Variants in SORCS1 observed in about 807,000 individuals in gnomAD.
SORCS1 encodes VPS10 domain-containing receptor SorCS1.
A neutral mutation model predicts 146.1 loss-of-function variants in SORCS1; 60 were observed. The observed-to-expected ratio is 0.41, with a 90% CI of 0.33 to 0.51. The LOEUF is 0.51. SORCS1 is among the 20% of genes least tolerant of loss of function. The probability of loss-of-function intolerance (pLI) is 0.21; values close to 1 mark genes in which losing one functional copy is unlikely to be tolerated. For synonymous variants in SORCS1, 637 were observed against 584.0 expected (o/e 1.09, Z -1.31); for missense variants, 1,352 against 1,487.6 (o/e 0.91, Z 1.50).
At chr10:106,716,692 C>G (rs985448838) in intron 6 of SORCS1, among the ~76,000 whole-genome samples, 3 of 152,158 alleles carry the variant, frequency 2.0e-5, no homozygotes, top group African/African-American at 7.2e-5. Flanking sequence ...TGAACTTTTT[C>G]CTGGGGCTTA....
intron 2 of SORCS1, among the ~76,000 whole-genome samples, chr10:106,893,803 T>C (rs952689029): frequency 4.6e-5 from 7 of 152,170 alleles, no homozygotes; most frequent in African/African-American, 1.7e-4. Flanking sequence ...CTTCATAGCC[T>C]TCAAAAATGG....
chr10:106,838,469 G>A (rs1264239307), intron 2 of SORCS1, among the ~76,000 whole-genome samples: 1 of 152,068 alleles, frequency 6.6e-6, no homozygotes, highest in Admixed American at 6.6e-5. Flanking sequence ...TTACATTAGG[G>A]TACATTCTTG....
chr10:107,016,250 A>T (rs1213278242), intron 1 of SORCS1, among the ~76,000 whole-genome samples: 1 of 152,344 alleles, frequency 6.6e-6, no homozygotes, highest in East Asian at 1.9e-4. Context: ...GTCAGAAAAG[A>T]TGGCTTTTTC....
chr10:106,695,767 C>T (rs1268336865), intron 9 of SORCS1, among the ~76,000 whole-genome samples: 1 of 152,106 alleles, frequency 6.6e-6, no homozygotes, highest in Non-Finnish European at 1.5e-5. Context: ...ACTTTCCTGG[C>T]TCTCATTTCT....
chr10:106,731,149 A>T (rs189342037), intron 5 of SORCS1, among the ~76,000 whole-genome samples: 2 of 151,232 alleles, frequency 1.3e-5, no homozygotes, highest in Admixed American at 6.6e-5. Context: ...CTCTACTAAA[A>T]ATACAAAAAA....
chr10:107,034,680 C>CAAAAAAAAAAAAAAAA (rs553032484), intron 1 of SORCS1, among the ~76,000 whole-genome samples: 4 of 13,794 alleles, frequency 2.9e-4, no homozygotes, highest in African/African-American at 5.4e-4. Context: ...AACTCCATCT[C>CAAAAAAAAAAAAAAAA]AAAAAAAAAA....
At chr10:106,761,442 T>C in intron 5 of SORCS1, 146 bp downstream of exon 5, 1 of 652,152 alleles carries the variant, frequency 1.5e-6, no homozygotes, top group Non-Finnish European at 2.7e-6. Context: ...TAATGTCACA[T>C]CCTGCCCTGA....
intron 1 of SORCS1, among the ~76,000 whole-genome samples, chr10:107,139,650 C>G (rs895274244): frequency 6.6e-6 from 1 of 152,206 alleles, no homozygotes; most frequent in Non-Finnish European, 1.5e-5. Context: ...GACGCAGTTT[C>G]ATCACCAAAT....
chr10:106,969,924 C>A (rs975728248), intron 1 of SORCS1: 2 of 152,226 alleles, frequency 1.3e-5, no homozygotes, highest in African/African-American at 4.8e-5. Flanking sequence ...TTCAATGAAA[C>A]TATCCATTTT....
intron 3 of SORCS1, among the ~76,000 whole-genome samples, chr10:106,802,608 C>A (rs1946960033): frequency 6.6e-6 from 1 of 152,092 alleles, no homozygotes; most frequent in Non-Finnish European, 1.5e-5. Flanking sequence ...AAGTGATTCT[C>A]CTGCCTCAGC....
rs1017086528 is a variant in SORCS1, at chr10:107,012,496, A to C, written c.559-55916T>G. Among the ~76,000 whole-genome samples, 4 of 152,324 alleles carry C rather than the reference A, an allele frequency of 2.6e-5. No homozygotes were observed. In the South Asian group the frequency reaches 8.3e-4, roughly 32 times the overall value. On this transcript the variant is annotated intron_variant, in intron 1 of 25. Coordinates refer to ENST00000263054, the MANE Select transcript of SORCS1 (RefSeq NM_052918.5). ...CTTTTATTATGCTAGCACTTTTTAT[A>C]TATTAACTTTTATTTTCACCATAGC... is the stretch of plus-strand genomic sequence containing the variant.
chr10:106,927,448 C>T (rs1022150571), intron 2 of SORCS1, among the ~76,000 whole-genome samples: 13 of 152,168 alleles, frequency 8.5e-5, no homozygotes, highest in Non-Finnish European at 1.8e-4. Context: ...CTCATAAAGG[C>T]AGTGTGGACC....
rs540132355 is a variant in SORCS1 at position 106,886,224 on chromosome 10, T to A, written c.627-56551A>T. On this transcript the variant is annotated intron_variant, in intron 2 of 25. Transcript: ENST00000263054. Reference sequence around the variant, plus strand: ...CTGCTGTGAGCCAAGATCACACCACTGCACTACAGCCTGGGTGACAAGAGT... The same window carrying A: ...CTGCTGTGAGCCAAGATCACACCACAGCACTACAGCCTGGGTGACAAGAGT... Among the ~76,000 whole-genome samples, 13 of 152,200 alleles carry A rather than the reference T, an allele frequency of 8.5e-5. No individual in the cohort carries two copies. The South Asian group carries it at 2.7e-3, about 32-fold the overall frequency.
At chr10:106,723,244 TTTCACACA>T (rs1855906527) in intron 6 of SORCS1, among the ~76,000 whole-genome samples, 3 of 152,288 alleles carry the variant, frequency 2.0e-5, no homozygotes, top group African/African-American at 7.2e-5. Flanking sequence ...AGATACAACT[TTTCACACA>T]GCTTTCAATC....
intron 16 of SORCS1, 116 bp from the exon 17 acceptor site, chr10:106,667,918 T>C: frequency 2.3e-6 from 1 of 434,620 alleles, no homozygotes; most frequent in Non-Finnish European, 3.7e-6. Flanking sequence ...CAAACAAAAA[T>C]AAAAACAAAA....
chr10:106,618,284 A>C lies in SORCS1; in HGVS notation c.2797-12T>G, dbSNP rs1422671541. 2 of 1,613,018 alleles carry C rather than the reference A, an allele frequency of 1.2e-6. No homozygotes were observed. The highest frequency in any genetic ancestry group is 1.7e-5 in the Admixed American group (1 of 59,966). On this transcript the variant is annotated splice_polypyrimidine_tract_variant and intron_variant, in intron 20 of 25. Coordinates refer to ENST00000263054, the MANE Select transcript of SORCS1 (RefSeq NM_052918.5). ...AAGGTGATCAAAGGCTAAAATAAAC[A>C]AGGGCCCAGAGTGAAGGGAAAGCTC...
intron 1 of SORCS1, among the ~76,000 whole-genome samples, chr10:106,963,135 TGA>T (rs1955331498): frequency 4.3e-5 from 6 of 140,568 alleles, no homozygotes; most frequent in Non-Finnish European, 6.1e-5. Flanking sequence ...TTTTTTTTTT[TGA>T]GACAGTCTTG....
At chr10:106,756,241 T>C (rs1858629313) in intron 5 of SORCS1, among the ~76,000 whole-genome samples, 1 of 151,924 alleles carries the variant, frequency 6.6e-6, no homozygotes, top group African/African-American at 2.4e-5. Context: ...ACAAAACTAA[T>C]AGAGATAGAA....
chr10:106,713,144 T>C (rs1855116624), intron 6 of SORCS1, among the ~76,000 whole-genome samples: 1 of 152,136 alleles, frequency 6.6e-6, no homozygotes, highest in Non-Finnish European at 1.5e-5. Flanking sequence ...GAGCCAGTCT[T>C]ACAGTCAAGC....
Sources: gnomAD v4.1 joint callset for allele counts (sites outside exome capture counted in the v4.1 genomes callset) on GRCh38, gnomAD v4.1.1 for gene constraint, MANE v1.5 for transcripts, NCBI Gene and HGNC (gene_info 2026-07-23, HGNC 2026-07-21) for gene names.